The following PRTG variants were observed in gnomAD, a reference collection of about 807,000 sequenced individuals.
The protein encoded by PRTG is immunoglobulin superfamily, DCC subclass, member 5.
PRTG carries 67 observed loss-of-function variants against 122.5 expected under a neutral mutation model. That is an observed-to-expected ratio of 0.55 (90% CI 0.45 to 0.67). The LOEUF (loss-of-function observed/expected upper bound fraction) is 0.67. Ranked by LOEUF, PRTG falls within the 30% of genes least tolerant of loss-of-function variation. PRTG has a pLI of 0.00. For synonymous variants in PRTG, 554 were observed against 501.1 expected, an observed-to-expected ratio of 1.11 and a Z score of -1.41; for missense variants, 1,435 against 1,415.4, an observed-to-expected ratio of 1.01 and a Z score of -0.22.
chr15:55,689,864 C>T (rs2059590950), intron 2 of PRTG, among the ~76,000 whole-genome samples: 1 of 151,084 alleles, frequency 6.6e-6, no homozygotes, highest in Non-Finnish European at 1.5e-5. Context: ...GGAGGTGGAG[C>T]TTGCAGTGAG....
intron 2 of PRTG, among the ~76,000 whole-genome samples, chr15:55,691,554 G>A (rs1027341712): frequency 1.3e-5 from 2 of 151,438 alleles, no homozygotes; most frequent in African/African-American, 2.4e-5. Flanking sequence ...GGTGGCGTAC[G>A]CCTGTAGTCC....
At chr15:55,691,063 T>C (rs1219733917) in intron 2 of PRTG, among the ~76,000 whole-genome samples, 1 of 152,060 alleles carries the variant, frequency 6.6e-6, no homozygotes, top group African/African-American at 2.4e-5. Context: ...ATCCCTGCAC[T>C]TCAGGTGGAT....
intron 2 of PRTG, among the ~76,000 whole-genome samples, chr15:55,691,066 A>G (rs1378954110): frequency 6.6e-6 from 1 of 151,896 alleles, no homozygotes; most frequent in African/African-American, 2.4e-5. Flanking sequence ...CCTGCACTTC[A>G]GGTGGATCAC....
intron 11 of PRTG, chr15:55,656,374 A>C (rs937324028): frequency 4.4e-6 from 2 of 455,580 alleles, no homozygotes. Flanking sequence ...TTTGACAAGA[A>C]TACTACAAAG....
intron 13 of PRTG, 80 bp downstream of exon 13, chr15:55,639,562 C>T: frequency 7.6e-7 from 1 of 1,307,190 alleles, no homozygotes; most frequent in South Asian, 1.4e-5. Context: ...GAGCTGGGCC[C>T]AAGATGGTAA....
chr15:55,661,666 TCC>T (rs2059410397), intron 11 of PRTG, among the ~76,000 whole-genome samples: 5 of 152,284 alleles, frequency 3.3e-5, no homozygotes, highest in Non-Finnish European at 5.9e-5. Flanking sequence ...GTTACTCTTC[TCC>T]ACATGAACTG....
intron 2 of PRTG, among the ~76,000 whole-genome samples, chr15:55,688,226 C>A (rs2059581117): frequency 6.6e-6 from 1 of 152,192 alleles, no homozygotes; most frequent in African/African-American, 2.4e-5. Context: ...AATCTGCCTT[C>A]TTCCCTATTA....
intron 2 of PRTG, among the ~76,000 whole-genome samples, chr15:55,718,690 T>A (rs575618486): frequency 1.2e-4 from 19 of 152,272 alleles, no homozygotes; most frequent in African/African-American, 4.6e-4. Flanking sequence ...TCACTTGAGT[T>A]TCTCCAGTAT....
chr15:55,684,144 T>C (rs576639410), intron 2 of PRTG, among the ~76,000 whole-genome samples: 1 of 152,354 alleles, frequency 6.6e-6, no homozygotes, highest in South Asian at 2.1e-4. Flanking sequence ...CAGAATTAAA[T>C]TCTAAATAGG....
Position 55,674,549 on chromosome 15 carries a change from A to G in PRTG, c.1547-873T>C, listed in dbSNP as rs184688489. ...TGTCATATATACTGTAGTTCACTCT[A>G]AAGTGGAACAGGCTCTTCAATGAAA... On this transcript the variant is annotated intron_variant, in intron 9 of 19. Coordinates refer to ENST00000389286, the MANE Select transcript of PRTG (RefSeq NM_173814.6). 5.9e-5 allele frequency among the ~76,000 whole-genome samples: 9 copies of G among 152,336 alleles called. No individual in the cohort carries two copies. The East Asian group carries it at 1.5e-3, about 26-fold the overall frequency.
chr15:55,634,831 C>G (rs369681405), intron 15 of PRTG, among the ~76,000 whole-genome samples: 459 of 151,920 alleles, frequency 3.0e-3, no homozygotes, highest in African/African-American at 0.01. Context: ...GAGCGAGACT[C>G]CGTCTCCAAA....
chr15:55,643,828 C>A (rs867149319), intron 11 of PRTG, among the ~76,000 whole-genome samples: 1 of 151,918 alleles, frequency 6.6e-6, no homozygotes, highest in African/African-American at 2.4e-5. Context: ...AATACATGTG[C>A]CTCTGTCAAA....
At chr15:55,643,220 C>G (rs1442472525) in intron 11 of PRTG, among the ~76,000 whole-genome samples, 1 of 152,036 alleles carries the variant, frequency 6.6e-6, no homozygotes, top group East Asian at 1.9e-4. Flanking sequence ...TAAATATTTT[C>G]ATTTCCATTT....
At chr15:55,670,566 AG>A (rs1248900628) in intron 11 of PRTG, among the ~76,000 whole-genome samples, 1 of 152,178 alleles carries the variant, frequency 6.6e-6, no homozygotes, top group Non-Finnish European at 1.5e-5. Flanking sequence ...CAATGGCTTA[AG>A]GAAGGTGAAA....
At chr15:55,719,149 T>C (rs1161997659) in intron 2 of PRTG, among the ~76,000 whole-genome samples, 2 of 152,210 alleles carry the variant, frequency 1.3e-5, no homozygotes, top group African/African-American at 4.8e-5. Flanking sequence ...ATTGAATAAC[T>C]GAATTGCTTA....
intron 2 of PRTG, 41 bp downstream of exon 2, chr15:55,740,341 A>G (rs968618128): frequency 6.7e-7 from 1 of 1,502,306 alleles, no homozygotes; most frequent in African/African-American, 1.4e-5. Flanking sequence ...ATCAAAATGT[A>G]GCAATGAAAA....
rs771963446 is a variant in PRTG, at chr15:55,673,443, C to T, written c.1780G>A (p.Ala594Thr). 1.9e-6 allele frequency: 3 copies of T among 1,614,068 alleles called. No homozygotes were observed. The highest frequency in any genetic ancestry group is 1.7e-6 in the Non-Finnish European group (2 of 1,180,028). ...GACTCTCCCAGCCCCACTCTGGTGG[C>T]AGCAGTAATCCGAACCAGGTAGACA... is the stretch of plus-strand genomic sequence containing the variant. ...DSVYLVRITA[A>T]TRVGLGESSV... The change falls in exon 10 of 20, where the codon GCC becomes ACC. Residue 594 changes from alanine (A) to threonine (T), a missense_variant. Transcript: ENST00000389286.
intron 2 of PRTG, among the ~76,000 whole-genome samples, chr15:55,732,221 C>T (rs1406118241): frequency 6.6e-6 from 1 of 152,204 alleles, no homozygotes; most frequent in African/African-American, 2.4e-5. Flanking sequence ...CAGAGTCTTA[C>T]TCTGTCACCC....
intron 11 of PRTG, among the ~76,000 whole-genome samples, chr15:55,651,905 T>C (rs561916184): frequency 6.6e-6 from 1 of 152,310 alleles, no homozygotes; most frequent in East Asian, 1.9e-4. Flanking sequence ...GAGAGTTTTA[T>C]TTCCCATCCT....
Sources: gnomAD v4.1 joint callset for allele counts (sites outside exome capture counted in the v4.1 genomes callset) on GRCh38, gnomAD v4.1.1 for gene constraint, MANE v1.5 for transcripts, NCBI Gene and HGNC (gene_info 2026-07-23, HGNC 2026-07-21) for gene names.